The following BAZ2B variants were observed in gnomAD, a reference collection of about 807,000 sequenced individuals.
The protein encoded by BAZ2B is bromodomain adjacent to zinc finger domain 2B.
Under a neutral mutation model 246.0 loss-of-function variants are expected in BAZ2B, and 91 were observed. That is an observed-to-expected ratio of 0.37 (90% confidence interval 0.31 to 0.44). BAZ2B has a LOEUF of 0.44. BAZ2B is among the 20% of genes least tolerant of loss of function. The pLI is 1.00. For missense variants in BAZ2B, 2,332 were observed against 2,533.7 expected (o/e 0.92, Z 1.71); for synonymous variants, 855 against 860.0 (o/e 0.99, Z 0.10).
intron 27 of BAZ2B, among the ~76,000 whole-genome samples, chr2:159,366,223 G>T (rs965411598): frequency 7.2e-5 from 11 of 152,170 alleles, no homozygotes; most frequent in African/African-American, 2.7e-4. Flanking sequence ...CCCCAAAGCA[G>T]CATAAAACTC....
chr2:159,356,912 G>C (rs1447610433), intron 27 of BAZ2B, among the ~76,000 whole-genome samples: 2 of 152,150 alleles, frequency 1.3e-5, no homozygotes, highest in African/African-American at 2.4e-5. Flanking sequence ...CTAATGAACA[G>C]AAAGGAATAG....
At chr2:159,526,599 G>A (rs2084765109) in intron 2 of BAZ2B, among the ~76,000 whole-genome samples, 1 of 152,096 alleles carries the variant, frequency 6.6e-6, no homozygotes, top group African/African-American at 2.4e-5. Flanking sequence ...GGGAAGTGAA[G>A]GTTTAAGGTT....
chr2:159,475,275 T>C (rs1577502364), intron 3 of BAZ2B, among the ~76,000 whole-genome samples: 1 of 152,332 alleles, frequency 6.6e-6, no homozygotes, highest in East Asian at 1.9e-4. Flanking sequence ...TTCTCTAATC[T>C]TGTCTTCATG....
At chr2:159,513,365 A>G (rs1397225790) in intron 2 of BAZ2B, among the ~76,000 whole-genome samples, 1 of 152,206 alleles carries the variant, frequency 6.6e-6, no homozygotes, top group East Asian at 1.9e-4. Context: ...AAATTTCACT[A>G]TAAACTACCT....
chr2:159,588,652 G>A (rs1688611190), intron 1 of BAZ2B, among the ~76,000 whole-genome samples: 1 of 152,160 alleles, frequency 6.6e-6, no homozygotes, highest in South Asian at 2.1e-4. Flanking sequence ...AATGTCAATA[G>A]CTCGGTTTAG....
At chr2:159,533,736 A>T (rs13406093) in intron 2 of BAZ2B, among the ~76,000 whole-genome samples, 4,030 of 152,322 alleles carry the variant, frequency 0.026, 182 homozygotes, top group African/African-American at 0.092. Context: ...GGCATTTCTG[A>T]TCCTGCTTCA....
intron 1 of BAZ2B, among the ~76,000 whole-genome samples, chr2:159,586,408 A>G (rs1482168801): frequency 6.6e-6 from 1 of 152,204 alleles, no homozygotes; most frequent in Non-Finnish European, 1.5e-5. Flanking sequence ...CACAGAATTC[A>G]GAATTTTTCT....
chr2:159,553,021 G>A (rs952552654), intron 2 of BAZ2B, among the ~76,000 whole-genome samples: 1 of 152,144 alleles, frequency 6.6e-6, no homozygotes, highest in African/African-American at 2.4e-5. Context: ...TAAGTGTGGA[G>A]CCAAAATGTG....
At chr2:159,604,951 T>TGTGCAC (rs137899225) in intron 1 of BAZ2B, among the ~76,000 whole-genome samples, 2 of 144,328 alleles carry the variant, frequency 1.4e-5, no homozygotes, top group South Asian at 2.1e-4. Flanking sequence ...TGTGTGTGTG[T>TGTGCAC]GCGCGTGTGT....
chr2:159,336,996 C>CTG lies in BAZ2B; in HGVS notation c.5741_5742insCA (p.Cys1915SerfsTer10). 1 of 1,611,810 alleles carries CTG rather than the reference C, an allele frequency of 6.2e-7. No individual in the cohort carries two copies. The highest frequency in any genetic ancestry group is 8.5e-7 in the Non-Finnish European group (1 of 1,178,134). Reference sequence around the variant, plus strand: ...TTGATTTCTGTAATTGCTGAATGCACAGAGCTACCTGTGCAGCACTGCGAG... The same window carrying CTG: ...TTGATTTCTGTAATTGCTGAATGCACTGAGAGCTACCTGTGCAGCACTGCGAG... On this transcript the variant is annotated frameshift_variant, in exon 33 of 37. Transcript: ENST00000392783. LOFTEE classifies it high-confidence loss of function.
At position 159,373,203 on chromosome 2, in the gene BAZ2B, G is replaced by A. The variant is rs1406736470; in HGVS notation, c.4069-14C>T. ...CTGACTCTGTTGCTGTTAAAAAAAT[G>A]GTACATATAATTAGGTTTGGGATGT... On this transcript the variant is annotated splice_polypyrimidine_tract_variant and intron_variant, in intron 26 of 36. Coordinates refer to ENST00000392783, the MANE Select transcript of BAZ2B (RefSeq NM_013450.4). 6.3e-7 allele frequency: 1 copy of A among 1,596,698 alleles called. No individual in the cohort carries two copies. Among genetic ancestry groups the A allele is most frequent in the Admixed American group, 1.7e-5 (1 of 57,248 alleles).
intron 27 of BAZ2B, among the ~76,000 whole-genome samples, chr2:159,371,429 C>T (rs1328251111): frequency 6.6e-6 from 1 of 152,150 alleles, no homozygotes; most frequent in African/African-American, 2.4e-5. Context: ...AAGGTGTGAG[C>T]CACCATGTCT....
At position 159,549,824 on chromosome 2, in the gene BAZ2B, C is replaced by CT. The variant is rs766811132; in HGVS notation, c.-3+5998dup. ...CACACTGGCATAAACTTTTTTCTTT[C>CT]TTTTTTTTTTTTTTTTTGATACAGA... is the stretch of plus-strand genomic sequence containing the variant. On this transcript the variant is annotated intron_variant, in intron 2 of 36. Transcript: ENST00000392783. Among the ~76,000 whole-genome samples the CT allele has an allele frequency of 4.0e-3, 526 of 131,118 alleles. 4 individuals carry two copies. The highest frequency in any genetic ancestry group is 8.2e-3 in the African/African-American group (300 of 36,572). 86.0% of individuals were successfully genotyped at this position (131,118 alleles called of 152,430 possible).
At chr2:159,325,077 T>TTA (rs1209767618) in intron 35 of BAZ2B, 123 bp from the exon 36 acceptor site, 39 of 2,428 alleles carry the variant, frequency 0.016, 1 homozygote, top group African/African-American at 0.029. Flanking sequence ...TATATATATA[T>TTA]TATATATATA....
At chr2:159,403,366 A>G (rs1242404216) in intron 16 of BAZ2B, among the ~76,000 whole-genome samples, 1 of 152,178 alleles carries the variant, frequency 6.6e-6, no homozygotes, top group Admixed American at 6.5e-5. Context: ...TGCTTTTTCA[A>G]TGAGTAGCAA....
At chr2:159,493,698 T>A (rs1191019094) in intron 2 of BAZ2B, among the ~76,000 whole-genome samples, 4 of 152,218 alleles carry the variant, frequency 2.6e-5, no homozygotes, top group African/African-American at 7.2e-5. Flanking sequence ...AACTATTCAC[T>A]CAGAAGATAA....
intron 1 of BAZ2B, among the ~76,000 whole-genome samples, chr2:159,563,117 A>C (rs907394245): frequency 9.9e-5 from 15 of 152,236 alleles, no homozygotes; most frequent in Non-Finnish European, 2.2e-4. Context: ...ACTAATAAAT[A>C]CAAAGTTTCA....
the BAZ2B span, among the ~76,000 whole-genome samples, chr2:159,684,311 ACTTCT>A: frequency 6.6e-6 from 1 of 152,232 alleles, no homozygotes; most frequent in Non-Finnish European, 1.5e-5. Flanking sequence ...TAAAATTTTC[ACTTCT>A]CTTGAGTAAA....
At chr2:159,409,122 A>C (rs2066424270) in intron 14 of BAZ2B, among the ~76,000 whole-genome samples, 1 of 152,192 alleles carries the variant, frequency 6.6e-6, no homozygotes, top group Admixed American at 6.5e-5. Context: ...TTGTGGCTTA[A>C]GAAACTGTCT....
Sources: gnomAD v4.1 joint callset for allele counts (sites outside exome capture counted in the v4.1 genomes callset) on GRCh38, gnomAD v4.1.1 for gene constraint, MANE v1.5 for transcripts, NCBI Gene and HGNC (gene_info 2026-07-23, HGNC 2026-07-21) for gene names.